Variants in CNTN3 observed in about 807,000 individuals in gnomAD.
The protein encoded by CNTN3 is contactin-3.
CNTN3 carries 60 observed loss-of-function variants against 119.1 expected under a neutral mutation model. The observed-to-expected ratio is 0.50, with a 90% CI of 0.41 to 0.62. The LOEUF (loss-of-function observed/expected upper bound fraction) is 0.62. Ranked by LOEUF, CNTN3 falls within the 20% of genes least tolerant of loss-of-function variation. The pLI, the probability that CNTN3 is intolerant of heterozygous loss-of-function variation, is 0.00. For synonymous variants in CNTN3, 450 were observed against 438.7 expected, an observed-to-expected ratio of 1.03 and a Z score of -0.32; for missense variants, 1,101 against 1,242.4, an observed-to-expected ratio of 0.89 and a Z score of 1.71.
intron 1 of CNTN3, among the ~76,000 whole-genome samples, chr3:74,580,539 A>G (rs1194722249): frequency 6.6e-6 from 1 of 152,190 alleles, no homozygotes; most frequent in Non-Finnish European, 1.5e-5. Flanking sequence ...ACATTCGTAT[A>G]TTTTAAAAAC....
rs756797154 is a variant in CNTN3 at position 74,302,715 on chromosome 3, T to C, written c.1761A>G (p.Ser587=). Reference sequence around the variant, plus strand: ...CTCTTACTATGAGGTCAGCAGCAGATGAAACACTGTCCACCCCCGTTTGCA... The same window carrying C: ...CTCTTACTATGAGGTCAGCAGCAGACGAAACACTGTCCACCCCCGTTTGCA... The part of the protein sequence containing the change: ...CMVQTGVDSV[S]SAADLIVRGS... The change falls in exon 14 of 23, where the codon TCA becomes TCG. Residue 587 remains serine, a synonymous_variant. Transcript: ENST00000263665. 1 of 1,612,546 alleles carries C rather than the reference T, an allele frequency of 6.2e-7. No individual in the cohort carries two copies. The highest frequency in any genetic ancestry group is 1.7e-4 in the Middle Eastern group (1 of 6,058).
In CNTN3 at chr3:74,324,963, G is replaced by A. The variant is rs370051111; in HGVS notation, c.1668+9772C>T. Among the ~76,000 whole-genome samples, 20 of 152,168 alleles carry A rather than the reference G, an allele frequency of 1.3e-4. No individual in the cohort carries two copies. The East Asian group carries it at 1.5e-3, about 12-fold the overall frequency. On this transcript the variant is annotated intron_variant, in intron 13 of 22. Transcript: ENST00000263665. Reference sequence around the variant, plus strand: ...TGTGCTCCAAAGAATTCTCTTCAAAGGACACATGAAGGAGGTAACAATCTG... The same window carrying A: ...TGTGCTCCAAAGAATTCTCTTCAAAAGACACATGAAGGAGGTAACAATCTG...
chr3:74,353,716 A>G (rs1447017463), intron 11 of CNTN3, among the ~76,000 whole-genome samples: 2 of 152,100 alleles, frequency 1.3e-5, no homozygotes, highest in Non-Finnish European at 2.9e-5. Flanking sequence ...AGATTGCGCC[A>G]CTGCACTCCA....
chr3:74,480,974 A>T (rs1205362232), intron 4 of CNTN3, among the ~76,000 whole-genome samples: 1 of 151,918 alleles, frequency 6.6e-6, no homozygotes, highest in Admixed American at 6.6e-5. Flanking sequence ...AAGAAAGAAA[A>T]AAAAGAACAT....
chr3:74,367,317 G>GA (rs1704222514), intron 8 of CNTN3, among the ~76,000 whole-genome samples: 1 of 152,052 alleles, frequency 6.6e-6, no homozygotes, highest in Non-Finnish European at 1.5e-5. Flanking sequence ...ACTAAGTAGA[G>GA]CAGACACTGT....
chr3:74,461,966 G>C (rs7629827), intron 4 of CNTN3, among the ~76,000 whole-genome samples: 107,469 of 151,956 alleles, frequency 0.71, 38,330 homozygotes, highest in African/African-American at 0.79. Context: ...GACTTGTAAT[G>C]CCATTGGGGA....
chr3:74,455,289 T>C (rs1232076247), intron 4 of CNTN3, among the ~76,000 whole-genome samples: 1 of 152,132 alleles, frequency 6.6e-6, no homozygotes, highest in Non-Finnish European at 1.5e-5. Context: ...TTCCAGTTGA[T>C]CGCATCGGCT....
Position 74,285,598 on chromosome 3 carries a change from C to A in CNTN3, c.2518-107G>T. The A allele has an allele frequency of 2.7e-6, 3 of 1,129,028 alleles. 1 individual carries two copies. The highest frequency in any genetic ancestry group is 3.0e-5 in the South Asian group (2 of 67,022). The allele number at this position is 1,129,028 out of a possible 1,614,324, so 69.9% of individuals were successfully genotyped here. On this transcript the variant is annotated intron_variant, in intron 19 of 22. Coordinates refer to ENST00000263665, the MANE Select transcript of CNTN3 (RefSeq NM_020872.3). The stretch of plus-strand genomic sequence containing the variant: ...CTGACTTATTTCCTGATTTGTTCAA[C>A]CAATATTTACTGAAGACCTACTATG...
At position 74,361,934 on chromosome 3, in the gene CNTN3, G is replaced by C. The variant is rs1181237582; in HGVS notation, c.1320C>G (p.Leu440=). ...TCACATCCCCCTTCTTCCAGGAAGAGAGTGCCCTTGGGGAGGCTCTGGGTT... is the reference window on the plus strand; with the variant it reads ...TCACATCCCCCTTCTTCCAGGAAGACAGTGCCCTTGGGGAGGCTCTGGGTT... ...DCKPRASPRA[L]SSWKKGDVSV... The change falls in exon 11 of 23, where the codon CTC becomes CTG. Residue 440 remains leucine (L), a synonymous_variant. Transcript: ENST00000263665. 2.5e-6 allele frequency: 4 copies of C among 1,613,646 alleles called. No homozygotes were observed. The highest frequency in any genetic ancestry group is 3.4e-6 in the Non-Finnish European group (4 of 1,179,768).
rs762612336 is a variant in CNTN3 at position 74,302,711 on chromosome 3, C to A, written c.1765G>T (p.Ala589Ser). ...VQTGVDSVSS[A>S]ADLIVRGSPG... is the part of the protein sequence containing the mutation. ...TTACCTCTTACTATGAGGTCAGCAGCAGATGAAACACTGTCCACCCCCGTT... is the reference window on the plus strand; with the variant it reads ...TTACCTCTTACTATGAGGTCAGCAGAAGATGAAACACTGTCCACCCCCGTT... The change falls in exon 14 of 23, where the codon GCT (alanine) becomes TCT (serine). Residue 589 changes from alanine to serine, a missense_variant. Physicochemically the swap from Ala to Ser is moderately conservative, Grantham distance 99. Coordinates refer to ENST00000263665, the MANE Select transcript of CNTN3 (RefSeq NM_020872.3). The A allele has an allele frequency of 6.2e-7, 1 of 1,611,052 alleles. No individual in the cohort carries two copies.
At chr3:74,493,737 G>A (rs1340010245) in intron 3 of CNTN3, among the ~76,000 whole-genome samples, 2 of 152,168 alleles carry the variant, frequency 1.3e-5, no homozygotes, top group East Asian at 1.9e-4. Context: ...CTGAAGTGAT[G>A]AGAATAATTG....
intron 10 of CNTN3, 41 bp downstream of exon 10, chr3:74,364,426 A>C: frequency 1.3e-6 from 2 of 1,586,264 alleles, no homozygotes; most frequent in Admixed American, 1.8e-5. Context: ...GAAGGATTTA[A>C]GACAAAAAAT....
intron 1 of CNTN3, among the ~76,000 whole-genome samples, chr3:74,591,294 A>C (rs938897012): frequency 6.6e-6 from 1 of 151,984 alleles, no homozygotes; most frequent in African/African-American, 2.4e-5. Context: ...AAAACCACTG[A>C]CTCCAAGAAG....
At chr3:74,492,879 C>T (rs1702993120) in intron 3 of CNTN3, among the ~76,000 whole-genome samples, 3 of 152,042 alleles carry the variant, frequency 2.0e-5, no homozygotes, top group African/African-American at 7.2e-5. Context: ...ATGTAAACTC[C>T]ACTGGATAAT....
At chr3:74,589,891 G>T (rs1352435505) in intron 1 of CNTN3, among the ~76,000 whole-genome samples, 1 of 144,936 alleles carries the variant, frequency 6.9e-6, no homozygotes, top group Non-Finnish European at 1.5e-5. Context: ...CTCACTCATG[G>T]ATGGGAATTG....
At chr3:74,442,180 G>C (rs76418667) in intron 4 of CNTN3, among the ~76,000 whole-genome samples, 57,604 of 134,686 alleles carry the variant, frequency 0.43, 12,097 homozygotes, top group African/African-American at 0.58. Flanking sequence ...CACACACAGA[G>C]AGAGAGAGAT....
chr3:74,341,519 T>G (rs1703546058), intron 11 of CNTN3, among the ~76,000 whole-genome samples: 1 of 152,160 alleles, frequency 6.6e-6, no homozygotes, highest in South Asian at 2.1e-4. Context: ...TTTAACTCCT[T>G]GATCAGTTTT....
intron 13 of CNTN3, among the ~76,000 whole-genome samples, chr3:74,305,619 C>T (rs891827843): frequency 1.4e-4 from 21 of 151,640 alleles, no homozygotes; most frequent in African/African-American, 3.4e-4. Context: ...GTTTCAAAAG[C>T]GTGAAGGATA....
Position 74,336,641 on chromosome 3 carries a change from T to A in CNTN3, c.1382A>T (p.Asp461Val), listed in dbSNP as rs770736878. Reference protein sequence around the residue: ...QEHERISLLNDGGLKIANVTK... With the variant: ...QEHERISLLNVGGLKIANVTK... ...CACATTGGCTATTTTGAGTCCTCCA[T>A]CGTTTAACAAAGAAATTCTAAAGCA... is the stretch of plus-strand genomic sequence containing the variant. Residue 461 changes from aspartate (D) to valine (V), a missense_variant, in exon 12 of 23, where the codon GAT (aspartate) becomes GTT (valine). Coordinates refer to ENST00000263665, the MANE Select transcript of CNTN3 (RefSeq NM_020872.3). The A allele has an allele frequency of 6.2e-7, 1 of 1,607,862 alleles. No homozygotes were observed. The highest frequency in any genetic ancestry group is 8.5e-7 in the Non-Finnish European group (1 of 1,176,190).
Sources: allele counts gnomAD v4.1 joint callset (sites outside exome capture counted in the v4.1 genomes callset), GRCh38; gene constraint gnomAD v4.1.1; transcripts MANE v1.5; gene names NCBI Gene and HGNC (gene_info 2026-07-23, HGNC 2026-07-21).